Variants in PTGIS observed in about 807,000 individuals in gnomAD.
The protein encoded by PTGIS is prostaglandin I2 synthase, also known as prostacyclin synthase.
In PTGIS, 45 loss-of-function variants were observed where a neutral mutation model predicts 50.3. The ratio of observed to expected loss-of-function variants is 0.90; its 90% confidence interval spans 0.70 to 1.15. The LOEUF is 1.15. PTGIS is among the 50% of genes most tolerant of loss of function. PTGIS has a pLI of 0.00. For synonymous variants in PTGIS, 260 were observed against 267.7 expected, an observed-to-expected ratio of 0.97 and a Z score of 0.28; for missense variants, 668 against 661.3, an observed-to-expected ratio of 1.01 and a Z score of -0.11.
intron 6 of PTGIS, among the ~76,000 whole-genome samples, chr20:49,523,277 A>G (rs1981701851): frequency 6.6e-6 from 1 of 152,212 alleles, no homozygotes; most frequent in African/African-American, 2.4e-5. Flanking sequence ...ATAAAAAAGC[A>G]TGATATCTGC....
intron 1 of PTGIS, among the ~76,000 whole-genome samples, chr20:49,562,530 C>A (rs1461528574): frequency 6.6e-6 from 1 of 152,226 alleles, no homozygotes; most frequent in Non-Finnish European, 1.5e-5. Flanking sequence ...GCGAAGGAGG[C>A]TCTGTTTTGG....
rs1361015295 is a variant in PTGIS at position 49,508,005 on chromosome 20, A to T, written c.1418T>A (p.Ile473Asn). 2.0e-5 allele frequency: 32 copies of T among 1,613,836 alleles called. No individual in the cohort carries two copies. Among genetic ancestry groups the T allele is most frequent in the Non-Finnish European group, 2.5e-5 (30 of 1,180,030 alleles). Residue 473 changes from isoleucine (I) to asparagine (N), a missense_variant, in exon 10 of 10, where the codon ATC (isoleucine) becomes AAC (asparagine). Coordinates refer to ENST00000244043, the MANE Select transcript of PTGIS (RefSeq NM_000961.4). ...GTACCTGCTGAGGTCAAACTCAGGGATCTCCACATCTGCGTTGATCAGCTC... is the reference window on the plus strand; with the variant it reads ...GTACCTGCTGAGGTCAAACTCAGGGTTCTCCACATCTGCGTTGATCAGCTC... ...DLELINADVE[I>N]PEFDLSRYGF...
At chr20:49,524,902 T>G (rs1981756870) in intron 5 of PTGIS, among the ~76,000 whole-genome samples, 1 of 152,176 alleles carries the variant, frequency 6.6e-6, no homozygotes, top group African/African-American at 2.4e-5. Context: ...AAGATGAGAT[T>G]TGGGTGGGGA....
intron 5 of PTGIS, among the ~76,000 whole-genome samples, chr20:49,533,469 G>C (rs114634293): frequency 0.012 from 1,789 of 152,032 alleles, 27 homozygotes; most frequent in African/African-American, 0.04. Context: ...AATGGCCTAA[G>C]GGTTCTCAAA....
intron 5 of PTGIS, among the ~76,000 whole-genome samples, chr20:49,525,227 GA>G (rs2034721275): frequency 6.6e-6 from 1 of 152,240 alleles, no homozygotes; most frequent in Admixed American, 6.5e-5. Context: ...CCCTCGGCAG[GA>G]GAGGGAAACA....
At chr20:49,551,052 A>C (rs1982493815) in intron 1 of PTGIS, among the ~76,000 whole-genome samples, 1 of 152,042 alleles carries the variant, frequency 6.6e-6, no homozygotes, top group Non-Finnish European at 1.5e-5. Context: ...GAAAATACAA[A>C]AATTAGCCAG....
chr20:49,520,938 A>G (rs2122851202), intron 6 of PTGIS, among the ~76,000 whole-genome samples: 1 of 152,262 alleles, frequency 6.6e-6, no homozygotes, highest in East Asian at 1.9e-4. Context: ...CTAACTTCCC[A>G]AAGCACTGTG....
At chr20:49,567,229 G>C (rs1027259533) in intron 1 of PTGIS, among the ~76,000 whole-genome samples, 2 of 152,266 alleles carry the variant, frequency 1.3e-5, no homozygotes, top group Middle Eastern at 3.4e-3. Context: ...AATATTTTAT[G>C]AAAAGGAGAG....
At chr20:49,534,831 T>C (rs1410201312) in intron 5 of PTGIS, among the ~76,000 whole-genome samples, 1 of 152,056 alleles carries the variant, frequency 6.6e-6, no homozygotes, top group East Asian at 1.9e-4. Context: ...TGCAAATGGC[T>C]ACTGAAACAC....
chr20:49,535,712 C>T (rs529848116), intron 5 of PTGIS, among the ~76,000 whole-genome samples: 3 of 152,288 alleles, frequency 2.0e-5, no homozygotes, highest in East Asian at 1.9e-4. Context: ...GATGGGGTTT[C>T]GCCATGTTGG....
At chr20:49,548,089 CCTTA>C in intron 2 of PTGIS, 70 bp from the exon 3 acceptor site, 5 of 1,468,054 alleles carry the variant, frequency 3.4e-6, no homozygotes, top group East Asian at 2.3e-5. Flanking sequence ...GTGGTCAGGG[CCTTA>C]CTGTGTGCCA....
chr20:49,507,492 A>T lies in PTGIS; in HGVS notation c.*428T>A, dbSNP rs1981184443. 2.2e-5 allele frequency: 7 copies of T among 311,214 alleles called. No homozygotes were observed. Among genetic ancestry groups the T allele is most frequent in the South Asian group, 2.1e-4 (7 of 32,896 alleles). 19.3% of individuals were successfully genotyped at this position (311,214 alleles called of 1,614,324 possible). On this transcript the variant is annotated 3_prime_UTR_variant, in exon 10 of 10. Transcript: ENST00000244043. ...ATCAATGGACACAAAGGACATCCTG[A>T]GTGGCCTTTCTGTGGCCAGCATCCG...
At position 49,514,335 on chromosome 20, in the gene PTGIS, G is replaced by A; in HGVS notation, c.916C>T (p.Leu306=). 2 of 1,614,114 alleles carry A rather than the reference G, an allele frequency of 1.2e-6. No homozygotes were observed. Among genetic ancestry groups the A allele is most frequent in the Non-Finnish European group, 1.7e-6 (2 of 1,180,032 alleles). Residue 306 remains leucine, a synonymous_variant, in exon 7 of 10, where the codon CTG becomes TTG. Coordinates refer to ENST00000244043, the MANE Select transcript of PTGIS (RefSeq NM_000961.4). Reference sequence around the variant, plus strand: ...TCGAGCTCTCCGCGGACAGCAGCCAGGGCTTCAGGATTCTTGAGAAGGAAG... The same window carrying A: ...TCGAGCTCTCCGCGGACAGCAGCCAAGGCTTCAGGATTCTTGAGAAGGAAG... ...LLFLLKNPEA[L]AAVRGELESI... is the part of the protein sequence containing the mutation.
At position 49,562,067 on chromosome 20, in the gene PTGIS, A is replaced by T. The variant is rs546914930; in HGVS notation, c.74+5976T>A. On this transcript the variant is annotated intron_variant, in intron 1 of 9. Transcript: ENST00000244043. ...GCCCATTTTACAGAGGAGGAAACTGAGGTGCAGAGGGCTAAGTCACATGCC... is the reference window on the plus strand; with the variant it reads ...GCCCATTTTACAGAGGAGGAAACTGTGGTGCAGAGGGCTAAGTCACATGCC... Among the ~76,000 whole-genome samples, 20 of 152,222 alleles carry T rather than the reference A, an allele frequency of 1.3e-4. No homozygotes were observed. In the South Asian group the frequency reaches 3.9e-3, roughly 30 times the overall value.
chr20:49,560,840 G>C (rs910824645), intron 1 of PTGIS, among the ~76,000 whole-genome samples: 2 of 152,214 alleles, frequency 1.3e-5, no homozygotes, highest in African/African-American at 4.8e-5. Flanking sequence ...TGTGGACCAC[G>C]AGGGCCAAGG....
At chr20:49,544,242 T>C in intron 4 of PTGIS, 63 bp downstream of exon 4, 1 of 1,604,654 alleles carries the variant, frequency 6.2e-7, no homozygotes, top group Non-Finnish European at 8.5e-7. Flanking sequence ...TGGCCACTGC[T>C]CATGGCTGAC....
chr20:49,509,678 C>G (rs536391979), intron 9 of PTGIS, among the ~76,000 whole-genome samples: 4 of 152,238 alleles, frequency 2.6e-5, no homozygotes, highest in Non-Finnish European at 5.9e-5. Context: ...ATGCACACAA[C>G]TAAGCATCGA....
chr20:49,506,660 GC>G lies in PTGIS; in HGVS notation c.*1259del, dbSNP rs1191916167. 4 of 152,340 alleles carry G rather than the reference GC, an allele frequency of 2.6e-5. No homozygotes were observed. The highest frequency in any genetic ancestry group is 9.6e-5 in the African/African-American group (4 of 41,470). The allele number at this position is 152,340 out of a possible 1,614,324, so 9.4% of individuals were successfully genotyped here. On this transcript the variant is annotated 3_prime_UTR_variant, in exon 10 of 10. Transcript: ENST00000244043. ...CCCAAAGTGCTGGGATTACAGGCAA[GC>G]CGGGGCAAAGGCAAATTTTCATCAC...
chr20:49,552,867 G>T (rs891650824), intron 1 of PTGIS, among the ~76,000 whole-genome samples: 1 of 151,922 alleles, frequency 6.6e-6, no homozygotes, highest in Non-Finnish European at 1.5e-5. Context: ...AGAAAAAAAG[G>T]GGTCTTATGA....
Sources: allele counts gnomAD v4.1 joint callset (sites outside exome capture counted in the v4.1 genomes callset), GRCh38; gene constraint gnomAD v4.1.1; transcripts MANE v1.5; gene names NCBI Gene and HGNC (gene_info 2026-07-23, HGNC 2026-07-21).